The following SYT1 variants were observed in gnomAD, a reference collection of about 807,000 sequenced individuals.
SYT1 encodes synaptotagmin 1.
In SYT1, 8 loss-of-function variants were observed where a neutral mutation model predicts 44.8. The observed-to-expected ratio is 0.18, with a 90% CI of 0.10 to 0.32. The LOEUF (loss-of-function observed/expected upper bound fraction) is 0.32. Among genes scored for constraint, SYT1 ranks in the 10% least tolerant of loss-of-function variants. SYT1 has a pLI of 1.00. For synonymous variants in SYT1, 154 were observed against 188.8 expected (o/e 0.82, Z 1.51); for missense variants, 286 against 509.3 (o/e 0.56, Z 4.22).
chr12:79,216,481 C>G (rs1874814159), intron 3 of SYT1, among the ~76,000 whole-genome samples: 1 of 152,098 alleles, frequency 6.6e-6, no homozygotes, highest in South Asian at 2.1e-4. Context: ...CATTTCTACT[C>G]CCTTAGAATA....
intron 2 of SYT1, among the ~76,000 whole-genome samples, chr12:79,011,318 G>T (rs911226489): frequency 1.6e-4 from 24 of 152,082 alleles, no homozygotes; most frequent in African/African-American, 4.8e-4. Context: ...TTACATACCA[G>T]CTTAGAAGAA....
chr12:79,272,105 A>G (rs1481108328), intron 4 of SYT1, among the ~76,000 whole-genome samples: 1 of 152,188 alleles, frequency 6.6e-6, no homozygotes, highest in East Asian at 1.9e-4. Context: ...TATTTAAATG[A>G]CTGGAGAGGA....
At chr12:79,053,929 T>C (rs1360617050) in intron 3 of SYT1, among the ~76,000 whole-genome samples, 1 of 152,088 alleles carries the variant, frequency 6.6e-6, no homozygotes, top group Non-Finnish European at 1.5e-5. Flanking sequence ...TCCTGATCTG[T>C]GTTCCCACAC....
intron 1 of SYT1, among the ~76,000 whole-genome samples, chr12:78,890,667 C>T (rs1361202413): frequency 1.3e-5 from 2 of 151,806 alleles, no homozygotes; most frequent in African/African-American, 4.8e-5. Context: ...CCATTGTAAC[C>T]AGTCTTTCAT....
chr12:78,872,520 G>A (rs916166555), intron 1 of SYT1, among the ~76,000 whole-genome samples: 1 of 151,784 alleles, frequency 6.6e-6, no homozygotes, highest in Non-Finnish European at 1.5e-5. Context: ...CAGTTCTCTG[G>A]TTATAAGAAT....
At chr12:79,369,402 G>C (rs1883691653) in intron 9 of SYT1, among the ~76,000 whole-genome samples, 1 of 152,164 alleles carries the variant, frequency 6.6e-6, no homozygotes, top group Admixed American at 6.5e-5. Flanking sequence ...CTTGAGCCCA[G>C]GAGGCTCAAG....
chr12:79,290,452 C>A (rs1879526064), intron 5 of SYT1, among the ~76,000 whole-genome samples: 1 of 152,092 alleles, frequency 6.6e-6, no homozygotes. Flanking sequence ...GAAAAAAGAC[C>A]ATGTAGTCTT....
chr12:78,906,708 T>A (rs1014796934), intron 1 of SYT1, among the ~76,000 whole-genome samples: 1 of 152,026 alleles, frequency 6.6e-6, no homozygotes, highest in Non-Finnish European at 1.5e-5. Context: ...GGGGTGTCTG[T>A]CCTGGTGTAA....
chr12:78,917,867 A>G (rs908150017), intron 1 of SYT1, among the ~76,000 whole-genome samples: 14 of 152,084 alleles, frequency 9.2e-5, no homozygotes, highest in African/African-American at 3.4e-4. Flanking sequence ...AATGTTTTAT[A>G]TGGAACAAAG....
At chr12:79,045,368 G>A (rs556306644) in intron 2 of SYT1, among the ~76,000 whole-genome samples, 1 of 152,292 alleles carries the variant, frequency 6.6e-6, no homozygotes, top group Admixed American at 6.5e-5. Flanking sequence ...TATTCGGGAG[G>A]GAGTGACCCG....
intron 9 of SYT1, among the ~76,000 whole-genome samples, chr12:79,363,179 A>G (rs891401371): frequency 1.3e-5 from 2 of 152,132 alleles, no homozygotes; most frequent in African/African-American, 4.8e-5. Context: ...TTGCACTGGG[A>G]GGAATAGAGT....
chr12:78,950,421 C>T (rs979747513), intron 1 of SYT1, among the ~76,000 whole-genome samples: 1 of 152,036 alleles, frequency 6.6e-6, no homozygotes, highest in Non-Finnish European at 1.5e-5. Flanking sequence ...CATTTTTACA[C>T]AGTTTCTAAT....
chr12:79,410,597 T>A (rs930536829), intron 9 of SYT1, among the ~76,000 whole-genome samples: 2 of 151,748 alleles, frequency 1.3e-5, no homozygotes, highest in African/African-American at 4.8e-5. Flanking sequence ...GATGAAGAAC[T>A]TTCCTCTAGT....
chr12:79,261,791 A>G (rs1877844115), intron 4 of SYT1, among the ~76,000 whole-genome samples: 1 of 152,210 alleles, frequency 6.6e-6, no homozygotes, highest in African/African-American at 2.4e-5. Context: ...ATGTAAAGAA[A>G]TAAAAGCTCA....
intron 3 of SYT1, among the ~76,000 whole-genome samples, chr12:79,146,818 G>GCTAAACAAAGTAA (rs1185341044): frequency 6.6e-6 from 1 of 152,050 alleles, no homozygotes; most frequent in African/African-American, 2.4e-5. Context: ...CAAAGTAAAG[G>GCTAAACAAAGTAA]AGATAAAAGG....
At chr12:79,228,652 T>G (rs1592874050) in intron 4 of SYT1, among the ~76,000 whole-genome samples, 1 of 152,176 alleles carries the variant, frequency 6.6e-6, no homozygotes, top group African/African-American at 2.4e-5. Flanking sequence ...ATGCTCTTTT[T>G]GGGCAGTTTC....
chr12:79,159,910 CTT>C (rs1870844095), intron 3 of SYT1, among the ~76,000 whole-genome samples: 1 of 152,014 alleles, frequency 6.6e-6, no homozygotes, highest in Non-Finnish European at 1.5e-5. Context: ...TGTATAATAA[CTT>C]AGGCAAAAGT....
chr12:78,867,026 C>T (rs541132179), intron 1 of SYT1, among the ~76,000 whole-genome samples: 37 of 148,554 alleles, frequency 2.5e-4, no homozygotes, highest in African/African-American at 6.4e-4. Flanking sequence ...TCACGAAAAA[C>T]GATTTTCTTT....
chr12:79,128,689 G>T (rs1320944969), intron 3 of SYT1, among the ~76,000 whole-genome samples: 2 of 152,212 alleles, frequency 1.3e-5, no homozygotes, highest in Non-Finnish European at 2.9e-5. Context: ...TTACTGAGTT[G>T]ATGGGTGCAA....
Sources: gnomAD v4.1 joint callset for allele counts (sites outside exome capture counted in the v4.1 genomes callset) on GRCh38, gnomAD v4.1.1 for gene constraint, MANE v1.5 for transcripts, NCBI Gene and HGNC (gene_info 2026-07-23, HGNC 2026-07-21) for gene names.